CCDC91: variants seen among roughly 807,000 people sequenced by gnomAD.
The protein encoded by CCDC91 is coiled-coil domain containing 91, also known as coiled-coil domain-containing protein 91.
In CCDC91, 48 loss-of-function variants were observed where a neutral mutation model predicts 63.2. The ratio of observed to expected loss-of-function variants is 0.76; its 90% CI spans 0.60 to 0.97. The LOEUF (loss-of-function observed/expected upper bound fraction) is 0.97. Ranked by LOEUF, CCDC91 falls within the 50% of genes least tolerant of loss-of-function variation. CCDC91 has a pLI of 0.00. For synonymous variants in CCDC91, 167 were observed against 165.8 expected (o/e 1.01, Z -0.06); for missense variants, 500 against 494.6 (o/e 1.01, Z -0.10).
In CCDC91 at chr12:28,201,992, C is replaced by T. The variant is rs369814300; in HGVS notation, c.-15+11351C>T. Among the ~76,000 whole-genome samples the T allele has an allele frequency of 7.2e-5, 11 of 152,060 alleles. No homozygotes were observed. In the East Asian group the frequency reaches 9.7e-4, roughly 13 times the overall value. ...AGATGGCAGCAGTACAGTCCAGCTT[C>T]GGCTCGGCATCGGGAGAGGGAGAGG... On this transcript the variant is annotated intron_variant, in intron 1 of 12. Coordinates refer to ENST00000536442, the MANE Select transcript of CCDC91 (RefSeq NM_018318.5).
At chr12:28,326,052 C>T (rs1940965467) in intron 6 of CCDC91, among the ~76,000 whole-genome samples, 1 of 152,080 alleles carries the variant, frequency 6.6e-6, no homozygotes, top group Admixed American at 6.6e-5. Context: ...ATAGTTGAGG[C>T]ATATATGCCT....
At chr12:28,450,772 C>G (rs1274886629) in intron 10 of CCDC91, among the ~76,000 whole-genome samples, 1 of 151,734 alleles carries the variant, frequency 6.6e-6, no homozygotes, top group Non-Finnish European at 1.5e-5. Flanking sequence ...TAAAATAACT[C>G]ATCTAAATCA....
intron 3 of CCDC91, among the ~76,000 whole-genome samples, chr12:28,290,706 T>A (rs1007755342): frequency 1.3e-5 from 2 of 152,210 alleles, no homozygotes; most frequent in Non-Finnish European, 2.9e-5. Flanking sequence ...TCATTGTAGA[T>A]GTAGGATCAT....
intron 1 of CCDC91, among the ~76,000 whole-genome samples, chr12:28,206,435 C>T (rs1408478975): frequency 6.6e-6 from 1 of 152,136 alleles, no homozygotes; most frequent in Non-Finnish European, 1.5e-5. Context: ...GAGATGGCTG[C>T]ATGCAAACAT....
At chr12:28,198,342 CAGAT>C (rs1941941571) in intron 1 of CCDC91, among the ~76,000 whole-genome samples, 1 of 152,282 alleles carries the variant, frequency 6.6e-6, no homozygotes, top group South Asian at 2.1e-4. Flanking sequence ...GCTTCACTGA[CAGAT>C]GGGCTTATAT....
At chr12:28,267,248 A>G (rs1947251291) in intron 3 of CCDC91, among the ~76,000 whole-genome samples, 1 of 151,734 alleles carries the variant, frequency 6.6e-6, no homozygotes, top group African/African-American at 2.4e-5. Context: ...TATTTTTTTA[A>G]ATAGAGATGA....
intron 1 of CCDC91, among the ~76,000 whole-genome samples, chr12:28,227,390 G>A (rs1944337127): frequency 6.6e-6 from 1 of 152,056 alleles, no homozygotes; most frequent in African/African-American, 2.4e-5. Flanking sequence ...AATTGTTGAT[G>A]TATGTTGGTG....
intron 1 of CCDC91, among the ~76,000 whole-genome samples, chr12:28,201,953 G>A (rs1366761123): frequency 2.6e-5 from 4 of 151,878 alleles, no homozygotes; most frequent in African/African-American, 9.7e-5. Flanking sequence ...AGGCAGGGAG[G>A]TTGCAGTGAG....
intron 11 of CCDC91, among the ~76,000 whole-genome samples, chr12:28,475,700 A>T (rs1007792731): frequency 6.6e-6 from 1 of 152,008 alleles, no homozygotes; most frequent in Middle Eastern, 3.4e-3. Flanking sequence ...GTATTCTACC[A>T]TGTTATGATG....
rs553061061 is a variant in CCDC91 at position 28,506,824 on chromosome 12, T to C, written c.1215+22659T>C. On this transcript the variant is annotated intron_variant, in intron 12 of 12. Transcript: ENST00000536442. The stretch of plus-strand genomic sequence containing the variant: ...CTCTTGACAGAGCTGTGTATTAGCA[T>C]TGATGATAATATTTACTGAATCTGT... Among the ~76,000 whole-genome samples the C allele has an allele frequency of 1.6e-3, 238 of 151,504 alleles. 2 individuals carry two copies. The highest frequency in any genetic ancestry group is 5.0e-3 in the African/African-American group (207 of 41,380).
chr12:28,537,284 A>G (rs1942253445), intron 12 of CCDC91, among the ~76,000 whole-genome samples: 1 of 152,162 alleles, frequency 6.6e-6, no homozygotes, highest in South Asian at 2.1e-4. Flanking sequence ...TCGTACATAT[A>G]TGTTCAGGTA....
intron 3 of CCDC91, among the ~76,000 whole-genome samples, chr12:28,294,425 AG>A (rs1358954882): frequency 6.6e-6 from 1 of 152,104 alleles, no homozygotes; most frequent in Non-Finnish European, 1.5e-5. Flanking sequence ...GAGTTCTCAC[AG>A]GATCTTCTGG....
At chr12:28,256,411 G>T (rs1946450127) in intron 1 of CCDC91, among the ~76,000 whole-genome samples, 1 of 147,912 alleles carries the variant, frequency 6.8e-6, no homozygotes, top group African/African-American at 2.5e-5. Context: ...TGCATGGTTT[G>T]TTTGATAAAG....
intron 8 of CCDC91, among the ~76,000 whole-genome samples, chr12:28,405,966 A>G (rs1400504067): frequency 6.6e-6 from 1 of 152,188 alleles, no homozygotes; most frequent in African/African-American, 2.4e-5. Context: ...CTGCAAAATA[A>G]GAGTATGTCA....
In CCDC91 at chr12:28,305,763, A is replaced by T; in HGVS notation, c.224A>T (p.His75Leu). Residue 75 changes from histidine to leucine, a missense_variant, in exon 4 of 13, where the codon CAT (histidine) becomes CTT (leucine). Coordinates refer to ENST00000536442, the MANE Select transcript of CCDC91 (RefSeq NM_018318.5). ...ATTATTTCATCACCAGAGAATACAC[A>T]TGCAGCAAATAGCATTGTGAGTCAA... is the stretch of plus-strand genomic sequence containing the variant. Reference protein sequence around the residue: ...DAIISSPENTHAANSIVSQTI... With the variant: ...DAIISSPENTLAANSIVSQTI... 1 of 1,613,198 alleles carries T rather than the reference A, an allele frequency of 6.2e-7. No individual in the cohort carries two copies. Among genetic ancestry groups the T allele is most frequent in the Non-Finnish European group, 8.5e-7 (1 of 1,179,408 alleles).
rs375414635 is a variant in CCDC91 at position 28,374,674 on chromosome 12, A to T, written c.654+12159A>T. On this transcript the variant is annotated intron_variant, in intron 7 of 12. Transcript: ENST00000536442. ...TGTTTCTGATTTAAAAATAACAGTA[A>T]GTTATGATAGGACTTAAACTTTTCA... Among the ~76,000 whole-genome samples the T allele has an allele frequency of 1.1e-4, 16 of 152,234 alleles. No homozygotes were observed. The South Asian group carries it at 3.1e-3, about 30-fold the overall frequency.
chr12:28,407,726 G>A (rs1947040893), intron 8 of CCDC91, among the ~76,000 whole-genome samples: 1 of 151,960 alleles, frequency 6.6e-6, no homozygotes, highest in African/African-American at 2.4e-5. Flanking sequence ...TATGAACCAG[G>A]TACATTGCTC....
At chr12:28,474,335 A>G (rs1029241613) in intron 11 of CCDC91, among the ~76,000 whole-genome samples, 8 of 152,146 alleles carry the variant, frequency 5.3e-5, no homozygotes, top group African/African-American at 1.4e-4. Context: ...CTGCATCACT[A>G]TAGTTTGTAA....
At chr12:28,303,600 T>G (rs1565762973) in intron 3 of CCDC91, among the ~76,000 whole-genome samples, 2 of 152,272 alleles carry the variant, frequency 1.3e-5, no homozygotes, top group Non-Finnish European at 1.5e-5. Context: ...GAATACAGGA[T>G]CACAGCCACA....
Sources: allele counts gnomAD v4.1 joint callset (sites outside exome capture counted in the v4.1 genomes callset), GRCh38; gene constraint gnomAD v4.1.1; transcripts MANE v1.5; gene names NCBI Gene and HGNC (gene_info 2026-07-23, HGNC 2026-07-21).